Variants in RABGAP1L observed in about 807,000 individuals in gnomAD.
RABGAP1L encodes the protein rab GTPase-activating protein 1-like.
Under a neutral mutation model 137.7 loss-of-function variants are expected in RABGAP1L, and 63 were observed. That is an observed-to-expected ratio of 0.46 (90% CI 0.37 to 0.56). The LOEUF (loss-of-function observed/expected upper bound fraction) is 0.56. Among genes scored for constraint, RABGAP1L ranks in the 20% least tolerant of loss-of-function variants. The pLI, the probability that RABGAP1L is intolerant of heterozygous loss-of-function variation, is 0.00. For missense variants in RABGAP1L, 1,095 were observed against 1,244.0 expected, an observed-to-expected ratio of 0.88 and a Z score of 1.80; for synonymous variants, 431 against 433.7, an observed-to-expected ratio of 0.99 and a Z score of 0.08.
intron 1 of RABGAP1L, among the ~76,000 whole-genome samples, chr1:174,203,679 A>G (rs1161450473): frequency 1.3e-5 from 2 of 152,154 alleles, no homozygotes; most frequent in African/African-American, 4.8e-5. Flanking sequence ...TGAATCTGTA[A>G]ATTGCTTTAG....
intron 11 of RABGAP1L, among the ~76,000 whole-genome samples, chr1:174,329,885 T>G (rs150511092): frequency 2.9e-4 from 44 of 150,944 alleles, no homozygotes; most frequent in Non-Finnish European, 4.7e-4. Context: ...AAGGAAAATT[T>G]CATAATAATA....
At chr1:174,877,717 C>A in intron 19 of RABGAP1L, 1 of 1,072,316 alleles carries the variant, frequency 9.3e-7, no homozygotes, top group Non-Finnish European at 1.4e-6. Context: ...GTTATGTCTA[C>A]AGGTTTTCAA....
At chr1:174,836,622 A>G (rs776369415) in intron 19 of RABGAP1L, among the ~76,000 whole-genome samples, 2 of 152,246 alleles carry the variant, frequency 1.3e-5, no homozygotes, top group Non-Finnish European at 2.9e-5. Context: ...AAAGTGTGAC[A>G]TATCTCTGAT....
intron 13 of RABGAP1L, among the ~76,000 whole-genome samples, chr1:174,612,800 A>C (rs993303572): frequency 2.8e-4 from 42 of 152,310 alleles, no homozygotes; most frequent in Non-Finnish European, 4.6e-4. Context: ...TGTACGTGTC[A>C]AGGAATGTAT....
At chr1:174,570,526 G>T (rs1667895128) in intron 13 of RABGAP1L, among the ~76,000 whole-genome samples, 1 of 152,122 alleles carries the variant, frequency 6.6e-6, no homozygotes, top group African/African-American at 2.4e-5. Flanking sequence ...GAGAGGGGAA[G>T]AGGGGAGGAG....
At chr1:174,486,643 G>T (rs1337022997) in intron 13 of RABGAP1L, among the ~76,000 whole-genome samples, 3 of 151,874 alleles carry the variant, frequency 2.0e-5, no homozygotes, top group African/African-American at 4.8e-5. Flanking sequence ...ACCGCGCCCG[G>T]CCTCTGCTCT....
chr1:174,692,658 T>C (rs1678954268), intron 15 of RABGAP1L, among the ~76,000 whole-genome samples: 1 of 152,202 alleles, frequency 6.6e-6, no homozygotes, highest in Non-Finnish European at 1.5e-5. Flanking sequence ...AGAAAGATCT[T>C]AGAGTAAAAA....
intron 11 of RABGAP1L, among the ~76,000 whole-genome samples, chr1:174,345,854 C>T (rs1161532139): frequency 6.6e-6 from 1 of 152,080 alleles, no homozygotes; most frequent in Non-Finnish European, 1.5e-5. Flanking sequence ...AGTTTTCACC[C>T]ATTCACAGTG....
At chr1:174,312,846 A>G (rs1381195365) in intron 11 of RABGAP1L, among the ~76,000 whole-genome samples, 2 of 152,156 alleles carry the variant, frequency 1.3e-5, no homozygotes, top group African/African-American at 4.8e-5. Context: ...CCATTTATTG[A>G]AGAGACTGTT....
chr1:174,642,077 A>C (rs2148356743), intron 14 of RABGAP1L, among the ~76,000 whole-genome samples: 1 of 152,320 alleles, frequency 6.6e-6, no homozygotes, highest in South Asian at 2.1e-4. Flanking sequence ...TATTATTCAG[A>C]ACAATATGAT....
In RABGAP1L at chr1:174,448,425, C is replaced by T. The variant is rs766391344; in HGVS notation, c.1710+54280C>T. 1.9e-6 allele frequency: 3 copies of T among 1,612,848 alleles called. No individual in the cohort carries two copies. The East Asian group carries it at 6.7e-5, about 36-fold the overall frequency. On this transcript the variant is annotated intron_variant, in intron 13 of 25. Coordinates refer to ENST00000681986, the MANE Select transcript of RABGAP1L (RefSeq NM_001366446.1). The surrounding 1 kb of genome is among the most constrained non-coding windows in gnomAD (Gnocchi z 4.2). ...CCTACTCTGTCACTTCTCCACTACT[C>T]CACAGGTGTCCACGAGTCATTGACT...
intron 17 of RABGAP1L, among the ~76,000 whole-genome samples, chr1:174,742,330 T>C (rs1683510225): frequency 1.3e-5 from 2 of 151,922 alleles, no homozygotes; most frequent in Admixed American, 1.3e-4. Context: ...CCAGCCTAAC[T>C]AATGTGGTGA....
chr1:174,700,990 C>A, intron 16 of RABGAP1L: 2 of 1,174,926 alleles, frequency 1.7e-6, no homozygotes, highest in Non-Finnish European at 2.2e-6. Context: ...ACTGAATGAG[C>A]ATTTGGACGT....
Position 174,172,573 on chromosome 1 carries a change from G to T in RABGAP1L, c.-34+12916G>T, listed in dbSNP as rs540184828. On this transcript the variant is annotated intron_variant, in intron 1 of 25. Transcript: ENST00000681986. ...TGAGGTGATAGCTCATTGTGGTTTC[G>T]ATTTGCTTTTCCCTGATAATTAGTG... Among the ~76,000 whole-genome samples the T allele has an allele frequency of 1.2e-4, 18 of 152,224 alleles. No homozygotes were observed. In the East Asian group the frequency reaches 3.5e-3, roughly 29 times the overall value.
chr1:174,670,981 G>C (rs1024260276), intron 14 of RABGAP1L, among the ~76,000 whole-genome samples: 4 of 152,130 alleles, frequency 2.6e-5, no homozygotes, highest in African/African-American at 9.7e-5. Flanking sequence ...GTTCTCCATA[G>C]TGGTTGTACT....
chr1:174,397,384 A>G (rs931177770), intron 13 of RABGAP1L, among the ~76,000 whole-genome samples: 10 of 152,066 alleles, frequency 6.6e-5, no homozygotes, highest in Non-Finnish European at 1.5e-4. Context: ...TGGGCATTTC[A>G]TTCTCAATCA....
chr1:174,891,848 A>G (rs1203232615), intron 19 of RABGAP1L, among the ~76,000 whole-genome samples: 2 of 152,204 alleles, frequency 1.3e-5, no homozygotes, highest in African/African-American at 4.8e-5. Context: ...TAAGGATTCA[A>G]ATAATATGTT....
intron 17 of RABGAP1L, among the ~76,000 whole-genome samples, chr1:174,745,031 GAGTCAGA>G (rs1383468013): frequency 1.3e-5 from 2 of 152,240 alleles, no homozygotes; most frequent in East Asian, 3.9e-4. Context: ...ACAATCTCAT[GAGTCAGA>G]AATTTTGGAA....
intron 13 of RABGAP1L, among the ~76,000 whole-genome samples, chr1:174,613,885 C>A (rs533040572): frequency 6.6e-6 from 1 of 152,176 alleles, no homozygotes; most frequent in Admixed American, 6.5e-5. Context: ...GCAACCCCTG[C>A]CTTTTTTTGT....
Sources: allele counts gnomAD v4.1 joint callset (sites outside exome capture counted in the v4.1 genomes callset), GRCh38; gene constraint gnomAD v4.1.1; non-coding constraint Gnocchi (gnomAD v3.1); transcripts MANE v1.5; gene names NCBI Gene and HGNC (gene_info 2026-07-23, HGNC 2026-07-21).